STX18: variants seen among roughly 807,000 people sequenced by gnomAD.
STX18 encodes the protein syntaxin-18.
STX18 carries 40 observed loss-of-function variants against 50.1 expected under a neutral mutation model. That is an observed-to-expected ratio of 0.80 (90% CI 0.62 to 1.04). The LOEUF is 1.04. Ranked by LOEUF, STX18 falls within the 50% of genes least tolerant of loss-of-function variation. The pLI is 0.00. For synonymous variants in STX18, 158 were observed against 151.8 expected (o/e 1.04, Z -0.30); for missense variants, 410 against 415.8 (o/e 0.99, Z 0.12).
chr4:4,467,133 A>G (rs898466272), intron 2 of STX18, among the ~76,000 whole-genome samples: 1 of 152,138 alleles, frequency 6.6e-6, no homozygotes, highest in East Asian at 1.9e-4. Flanking sequence ...AATGTTATCT[A>G]TAGGAGCAAA....
At chr4:4,519,274 T>C (rs1730413638) in intron 1 of STX18, among the ~76,000 whole-genome samples, 1 of 152,184 alleles carries the variant, frequency 6.6e-6, no homozygotes, top group South Asian at 2.1e-4. Flanking sequence ...ATACAGGTGC[T>C]AATCTAGGAC....
At chr4:4,465,814 T>C (rs554664890) in intron 2 of STX18, among the ~76,000 whole-genome samples, 7 of 152,332 alleles carry the variant, frequency 4.6e-5, no homozygotes, top group Admixed American at 3.3e-4. Context: ...GCAGTACCTA[T>C]CATATCTGCA....
At chr4:4,447,388 G>A (rs1307185669) in intron 5 of STX18, among the ~76,000 whole-genome samples, 1 of 151,534 alleles carries the variant, frequency 6.6e-6, no homozygotes. Flanking sequence ...AGGAGATCGA[G>A]ACCATCCTGG....
intron 1 of STX18, 115 bp from the exon 2 acceptor site, chr4:4,471,821 T>G: frequency 1.3e-6 from 1 of 753,776 alleles, no homozygotes; most frequent in South Asian, 2.3e-5. Flanking sequence ...AGCTACAAAC[T>G]GAGCACCGTC....
chr4:4,538,041 C>G (rs1290225734), intron 1 of STX18, among the ~76,000 whole-genome samples: 3 of 150,270 alleles, frequency 2.0e-5, no homozygotes, highest in Non-Finnish European at 3.0e-5. Flanking sequence ...CAAGTAATTT[C>G]ATTTATTTGG....
At chr4:4,427,447 A>T (rs1725305393) in intron 7 of STX18, among the ~76,000 whole-genome samples, 1 of 152,222 alleles carries the variant, frequency 6.6e-6, no homozygotes, top group African/African-American at 2.4e-5. Context: ...ACTTAAGAGG[A>T]CAGTATTTAA....
intron 1 of STX18, among the ~76,000 whole-genome samples, chr4:4,528,467 C>T (rs903233032): frequency 7.9e-5 from 12 of 152,262 alleles, no homozygotes; most frequent in African/African-American, 2.6e-4. Flanking sequence ...ACTCTTGCTC[C>T]CCCTTCACCT....
chr4:4,457,415 T>C lies in STX18; in HGVS notation c.430+8A>G. On this transcript the variant is annotated splice_region_variant and intron_variant, in intron 4 of 10. Coordinates refer to ENST00000306200, the MANE Select transcript of STX18 (RefSeq NM_016930.4). ...GTTACATTTGACCTTTAAAAGAAAA[T>C]GAAATACTTTTCAAGTAATCTTCAA... 3 of 1,611,344 alleles carry C rather than the reference T, an allele frequency of 1.9e-6. No homozygotes were observed. The highest frequency in any genetic ancestry group is 2.5e-6 in the Non-Finnish European group (3 of 1,178,306).
chr4:4,451,895 A>C (rs1292304807), intron 5 of STX18, among the ~76,000 whole-genome samples: 1 of 152,228 alleles, frequency 6.6e-6, no homozygotes, highest in African/African-American at 2.4e-5. Context: ...GAAATTATGA[A>C]TCTTAGTTAG....
intron 1 of STX18, among the ~76,000 whole-genome samples, chr4:4,519,792 A>G (rs1403625949): frequency 6.6e-6 from 1 of 152,200 alleles, no homozygotes; most frequent in Admixed American, 6.5e-5. Context: ...ATGCTTTTCT[A>G]ACTTAAAGGT....
chr4:4,443,104 A>C (rs1726209106), intron 5 of STX18, among the ~76,000 whole-genome samples: 1 of 152,234 alleles, frequency 6.6e-6, no homozygotes, highest in Non-Finnish European at 1.5e-5. Context: ...ACTCCTATGG[A>C]GGGGACCTTG....
chr4:4,435,660 G>A (rs779855254), intron 6 of STX18, among the ~76,000 whole-genome samples: 5 of 152,302 alleles, frequency 3.3e-5, no homozygotes, highest in Non-Finnish European at 7.3e-5. Flanking sequence ...ACTGTTCACT[G>A]GTGTCATGGT....
chr4:4,537,409 A>G (rs1731393969), intron 1 of STX18, among the ~76,000 whole-genome samples: 1 of 152,200 alleles, frequency 6.6e-6, no homozygotes, highest in African/African-American at 2.4e-5. Context: ...TGGGGGCTAC[A>G]TAGCATCCAA....
At chr4:4,477,000 GAC>G (rs1292801756) in intron 1 of STX18, among the ~76,000 whole-genome samples, 1 of 152,042 alleles carries the variant, frequency 6.6e-6, no homozygotes, top group Non-Finnish European at 1.5e-5. Flanking sequence ...AGGAGTTCAA[GAC>G]CAGACTGGCC....
chr4:4,542,074 G>T, upstream of STX18: 3 of 1,263,408 alleles, frequency 2.4e-6, no homozygotes, highest in Non-Finnish European at 3.1e-6. Flanking sequence ...GCCTCCCCCC[G>T]GCAACGGCGA....
chr4:4,537,865 TAACTC>T (rs1034426934), intron 1 of STX18, among the ~76,000 whole-genome samples: 1 of 152,062 alleles, frequency 6.6e-6, no homozygotes, highest in Non-Finnish European at 1.5e-5. Context: ...TATTCAGAAT[TAACTC>T]AAGAAGAAGA....
chr4:4,458,971 C>A (rs1727223719), intron 3 of STX18, among the ~76,000 whole-genome samples: 1 of 152,038 alleles, frequency 6.6e-6, no homozygotes, highest in African/African-American at 2.4e-5. Flanking sequence ...ACTCCCATCC[C>A]ACTAAATGCC....
intron 1 of STX18, among the ~76,000 whole-genome samples, chr4:4,541,056 C>A (rs1322194414): frequency 6.6e-6 from 1 of 152,172 alleles, no homozygotes; most frequent in Non-Finnish European, 1.5e-5. Context: ...AACAGCTCTC[C>A]CCTTATGGAG....
intron 7 of STX18, 44 bp from the exon 8 acceptor site, chr4:4,425,266 T>G (rs760788813): frequency 1.3e-6 from 2 of 1,555,832 alleles, no homozygotes; most frequent in East Asian, 2.2e-5. Context: ...ATACTGAACT[T>G]AGGCAAGAGT....
Sources: gnomAD v4.1 joint callset for allele counts (sites outside exome capture counted in the v4.1 genomes callset) on GRCh38, gnomAD v4.1.1 for gene constraint, MANE v1.5 for transcripts, NCBI Gene and HGNC (gene_info 2026-07-23, HGNC 2026-07-21) for gene names.